Variants in PAPLN observed in about 807,000 individuals in gnomAD.
PAPLN encodes papilin.
Under a neutral mutation model 159.0 loss-of-function variants are expected in PAPLN, and 146 were observed. The observed-to-expected ratio is 0.92, with a 90% CI of 0.80 to 1.05. The LOEUF (loss-of-function observed/expected upper bound fraction) is 1.05, where lower values mean the gene tolerates loss of function less well. Ranked by LOEUF, PAPLN falls within the 50% of genes least tolerant of loss-of-function variation. The probability of loss-of-function intolerance (pLI) is 0.00; values close to 1 mark genes in which losing one functional copy is unlikely to be tolerated. For missense variants in PAPLN, 1,720 were observed against 1,743.9 expected, an observed-to-expected ratio of 0.99 and a Z score of 0.24; for synonymous variants, 734 against 702.9, an observed-to-expected ratio of 1.04 and a Z score of -0.70.
intron 12 of PAPLN, 117 bp downstream of exon 12, chr14:73,254,078 G>T: frequency 8.4e-7 from 1 of 1,187,034 alleles, no homozygotes; most frequent in South Asian, 1.6e-5. Flanking sequence ...AACCGGTCAG[G>T]TCATCTTGGA....
rs763519708 is a variant in PAPLN at position 73,263,781 on chromosome 14, A to G, written c.2860A>G (p.Arg954Gly). The G allele has an allele frequency of 6.2e-7, 1 of 1,601,120 alleles. No homozygotes were observed. Among genetic ancestry groups the G allele is most frequent in the South Asian group, 1.1e-5 (1 of 90,806 alleles). The change falls in exon 20 of 27, where the codon AGG becomes GGG. Residue 954 changes from arginine to glycine, a missense_variant and splice_region_variant. Physicochemically the swap from Arg to Gly is moderately radical, Grantham distance 125 (BLOSUM62 -2). Coordinates refer to ENST00000644200, the MANE Select transcript of PAPLN (RefSeq NM_001365906.3). Reference sequence around the variant, plus strand: ...AGATGGCCAGCCCATCTCCTCTGACAGGTGGGTGAGAGTCCCCCCACCTCC... The same window carrying G: ...AGATGGCCAGCCCATCTCCTCTGACGGGTGGGTGAGAGTCCCCCCACCTCC... Reference protein sequence around the residue: ...QKDGQPISSDRHRLQFDGSLI... With the variant: ...QKDGQPISSDGHRLQFDGSLI...
At chr14:73,262,914 C>T in intron 19 of PAPLN, 87 bp downstream of exon 19, 2 of 1,180,678 alleles carry the variant, frequency 1.7e-6, no homozygotes, top group Non-Finnish European at 2.2e-6. Flanking sequence ...AGTCAGCCGG[C>T]CCTCCCTCCC....
chr14:73,245,519 C>T lies in PAPLN; in HGVS notation c.171-117C>T. 8.6e-7 allele frequency: 1 copy of T among 1,164,864 alleles called. No individual in the cohort carries two copies. The highest frequency in any genetic ancestry group is 1.2e-6 in the Non-Finnish European group (1 of 827,972). The allele number at this position is 1,164,864 out of a possible 1,614,324, so 72.2% of individuals were successfully genotyped here. ...ACGGGGTGGGGTCGGGGGACACCCTCTCACCTTGCTGCTCCCACTGGAGAG... is the reference window on the plus strand; with the variant it reads ...ACGGGGTGGGGTCGGGGGACACCCTTTCACCTTGCTGCTCCCACTGGAGAG... On this transcript the variant is annotated intron_variant, in intron 3 of 26. Transcript: ENST00000644200. This position sits in a 1 kb window ranked among gnomAD's most constrained non-coding sequence, Gnocchi z 4.2.
chr14:73,251,761 G>T lies in PAPLN; in HGVS notation c.768G>T (p.Glu256Asp). The change falls in exon 9 of 27, where the codon GAG becomes GAT. Residue 256 changes from glutamate to aspartate, a missense_variant. Physicochemically the swap from Glu to Asp is conservative, Grantham distance 45. Coordinates refer to ENST00000644200, the MANE Select transcript of PAPLN (RefSeq NM_001365906.3). Reference sequence around the variant, plus strand: ...CAGCCAGCACCATCCTGCATTACGAGCGGGGTGCTGAGGGGGACCTGGCCC... The same window carrying T: ...CAGCCAGCACCATCCTGCATTACGATCGGGGTGCTGAGGGGGACCTGGCCC... ...LPAASTILHY[E>D]RGAEGDLAPE... 1.9e-6 allele frequency: 3 copies of T among 1,612,520 alleles called. No individual in the cohort carries two copies. The highest frequency in any genetic ancestry group is 2.5e-6 in the Non-Finnish European group (3 of 1,179,714).
At chr14:73,239,463 G>A (rs993821700) in intron 1 of PAPLN, among the ~76,000 whole-genome samples, 2 of 152,228 alleles carry the variant, frequency 1.3e-5, no homozygotes, top group African/African-American at 4.8e-5. Context: ...TTCTGAACTT[G>A]TTTTTCAACC....
intron 26 of PAPLN, among the ~76,000 whole-genome samples, chr14:73,269,906 G>A (rs985302238): frequency 1.1e-4 from 17 of 152,232 alleles, no homozygotes; most frequent in Non-Finnish European, 5.9e-5. Context: ...GGTGGAGACT[G>A]GCCAGTACTA....
intron 1 of PAPLN, 180 bp from the exon 2 acceptor site, chr14:73,239,589 AGCCG>A: frequency 8.3e-7 from 1 of 1,199,556 alleles, no homozygotes; most frequent in Non-Finnish European, 1.1e-6. Context: ...TCACATGTTG[AGCCG>A]CCCGGCGGGG....
intron 5 of PAPLN, among the ~76,000 whole-genome samples, chr14:73,249,549 C>T (rs112652708): frequency 2.0e-5 from 3 of 152,044 alleles, no homozygotes; most frequent in Admixed American, 6.5e-5. Flanking sequence ...TGGCGCGTGC[C>T]TGTAGTCCCG....
rs1887216420 is a variant in PAPLN, at chr14:73,266,430, C to T, written c.3264-71C>T. On this transcript the variant is annotated intron_variant, in intron 23 of 26. Transcript: ENST00000644200. ...CTTGTGTTCCCTCCCTGACCCCATG[C>T]TCGAGGGACGGAGCTGGAGGAGAGG... The T allele has an allele frequency of 2.6e-6, 4 of 1,566,534 alleles. No homozygotes were observed. The South Asian group carries it at 4.7e-5, about 19-fold the overall frequency.
rs955086423 is a variant in PAPLN at position 73,265,296 on chromosome 14, G to C, written c.3126-74G>C. On this transcript the variant is annotated intron_variant, in intron 22 of 26. Coordinates refer to ENST00000644200, the MANE Select transcript of PAPLN (RefSeq NM_001365906.3). This position sits in a 1 kb window ranked among gnomAD's most constrained non-coding sequence, Gnocchi z 4.1. Reference sequence around the variant, plus strand: ...AGAGGGAGAAGGGGCCACCAGGCTTGTGCAGAGGTGCCCATGGGAGTAGGC... The same window carrying C: ...AGAGGGAGAAGGGGCCACCAGGCTTCTGCAGAGGTGCCCATGGGAGTAGGC... 5 of 1,562,554 alleles carry C rather than the reference G, an allele frequency of 3.2e-6. No individual in the cohort carries two copies. In the African/African-American group the frequency reaches 6.7e-5, roughly 21 times the overall value.
At position 73,265,603 on chromosome 14, in the gene PAPLN, ATGGCCAGTCCTGAGCCGGACTCC is replaced by A; in HGVS notation, c.3263+97_3263+119del. ...GGAAGGGAGCTGCTAGCGCATGGTC[ATGGCCAGTCCTGAGCCGGACTCC>A]AGGGCCTCTTGAGAGATGGAGCAGC... is the stretch of plus-strand genomic sequence containing the variant. On this transcript the variant is annotated intron_variant, in intron 23 of 26. Transcript: ENST00000644200. The surrounding 1 kb of genome is among the most constrained non-coding windows in gnomAD (Gnocchi z 4.1). 6.5e-7 allele frequency: 1 copy of A among 1,534,684 alleles called. No individual in the cohort carries two copies. The highest frequency in any genetic ancestry group is 8.8e-7 in the Non-Finnish European group (1 of 1,135,832).
intron 5 of PAPLN, among the ~76,000 whole-genome samples, chr14:73,249,252 A>T (rs1884952448): frequency 6.6e-6 from 1 of 152,208 alleles, no homozygotes. Context: ...ATTTGTAATT[A>T]TTGCATAGTA....
chr14:73,257,515 G>A (rs1189427010), intron 14 of PAPLN, among the ~76,000 whole-genome samples: 3 of 151,736 alleles, frequency 2.0e-5, no homozygotes, highest in African/African-American at 4.8e-5. Flanking sequence ...ATTTTGTGAC[G>A]AAAAATCTTT....
chr14:73,262,517 C>G lies in PAPLN; in HGVS notation c.2413C>G (p.Gln805Glu). 6.3e-7 allele frequency: 1 copy of G among 1,580,572 alleles called. No individual in the cohort carries two copies. Among genetic ancestry groups the G allele is most frequent in the Non-Finnish European group, 8.6e-7 (1 of 1,162,600 alleles). ...GGAGCAAGAGTGCATGAGCAGCTGC[C>G]AGGGATCTCTCCATGGGCCCCGTCG... is the stretch of plus-strand genomic sequence containing the variant. ...ASEQECMSSC[Q>E]GSLHGPRRPQ... Residue 805 changes from glutamine (Q) to glutamate (E), a missense_variant, in exon 19 of 27, where the codon CAG (glutamine) becomes GAG (glutamate). Gln to Glu is a conservative substitution (Grantham distance 29). Coordinates refer to ENST00000644200, the MANE Select transcript of PAPLN (RefSeq NM_001365906.3).
rs994765537 is a variant in PAPLN, at chr14:73,252,006, C to T, written c.844-12C>T. On this transcript the variant is annotated splice_polypyrimidine_tract_variant and intron_variant, in intron 9 of 26. Coordinates refer to ENST00000644200, the MANE Select transcript of PAPLN (RefSeq NM_001365906.3). Reference sequence around the variant, plus strand: ...CCAGCAGCAGACCCCAACAAGGACTCTCCCGTGACAGCTCATCAGCCAGGA... The same window carrying T: ...CCAGCAGCAGACCCCAACAAGGACTTTCCCGTGACAGCTCATCAGCCAGGA... The T allele has an allele frequency of 6.2e-7, 1 of 1,600,566 alleles. No individual in the cohort carries two copies. Among genetic ancestry groups the T allele is most frequent in the Non-Finnish European group, 8.5e-7 (1 of 1,172,592 alleles).
intron 12 of PAPLN, 57 bp downstream of exon 12, chr14:73,254,018 G>C (rs1359401581): frequency 1.3e-6 from 2 of 1,542,422 alleles, no homozygotes; most frequent in Admixed American, 1.9e-5. Context: ...GCAGGGAAGG[G>C]CTGGGGTCTT....
chr14:73,258,306 T>C (rs1172573513), intron 14 of PAPLN, among the ~76,000 whole-genome samples: 1 of 152,202 alleles, frequency 6.6e-6, no homozygotes, highest in African/African-American at 2.4e-5. Flanking sequence ...TTTACGTGTT[T>C]GTTGGCCATT....
At chr14:73,252,908 T>C in intron 11 of PAPLN, 133 bp downstream of exon 11, 2 of 1,433,210 alleles carry the variant, frequency 1.4e-6, no homozygotes, top group South Asian at 1.3e-5. Flanking sequence ...GTGGCTGGGG[T>C]GTGGGAGAGG....
At chr14:73,258,856 C>T (rs1206560842) in intron 14 of PAPLN, 123 bp from the exon 15 acceptor site, 9 of 861,372 alleles carry the variant, frequency 1.0e-5, no homozygotes, top group Non-Finnish European at 1.3e-5. Context: ...TGGGCTGTCT[C>T]GGGTTCCCAG....
Sources: allele counts gnomAD v4.1 joint callset (sites outside exome capture counted in the v4.1 genomes callset), GRCh38; gene constraint gnomAD v4.1.1; non-coding constraint Gnocchi (gnomAD v3.1); transcripts MANE v1.5; gene names NCBI Gene and HGNC (gene_info 2026-07-23, HGNC 2026-07-21).